ZYG11B: variants seen among roughly 807,000 people sequenced by gnomAD.
ZYG11B encodes zyg-11 family member B, cell cycle regulator, also known as protein zyg-11 homolog B.
ZYG11B carries 36 observed loss-of-function variants against 82.4 expected under a neutral mutation model. The ratio of observed to expected loss-of-function variants is 0.44; its 90% CI spans 0.33 to 0.58. The LOEUF (loss-of-function observed/expected upper bound fraction) is 0.58. ZYG11B is among the 20% of genes least tolerant of loss of function. The pLI is 0.02. For synonymous variants in ZYG11B, 303 were observed against 312.8 expected (o/e 0.97, Z 0.33); for missense variants, 552 against 895.6 (o/e 0.62, Z 4.90).
At chr1:52,802,056 C>A (rs1042905073) in intron 9 of ZYG11B, 36 bp from the exon 10 acceptor site, 1 of 1,582,974 alleles carries the variant, frequency 6.3e-7, no homozygotes, top group Non-Finnish European at 8.6e-7. Flanking sequence ...ATATTTGGTT[C>A]TTCAGGTAAT....
intron 8 of ZYG11B, among the ~76,000 whole-genome samples, chr1:52,798,665 A>G (rs138003563): frequency 9.1e-4 from 138 of 152,334 alleles, no homozygotes; most frequent in East Asian, 8.9e-3. Context: ...TGTTATTTAT[A>G]TAGAAAATGT....
At chr1:52,758,461 A>G (rs944263357) in intron 2 of ZYG11B, among the ~76,000 whole-genome samples, 2 of 152,160 alleles carry the variant, frequency 1.3e-5, no homozygotes, top group Non-Finnish European at 1.5e-5. Flanking sequence ...CCTGAGGGTC[A>G]TACTGCAAGT....
At chr1:52,740,565 C>CTTTTTT (rs57309331) in intron 1 of ZYG11B, among the ~76,000 whole-genome samples, 11 of 124,952 alleles carry the variant, frequency 8.8e-5, no homozygotes, top group African/African-American at 3.4e-4. Flanking sequence ...GTACTACCTT[C>CTTTTTT]TTTTTTTTTT....
At chr1:52,737,019 G>C (rs1644383729) in intron 1 of ZYG11B, among the ~76,000 whole-genome samples, 1 of 151,838 alleles carries the variant, frequency 6.6e-6, no homozygotes, top group Admixed American at 6.6e-5. Flanking sequence ...ACATTATGCT[G>C]TTTTTTGTGC....
rs141046029 is a variant in ZYG11B at position 52,787,239 on chromosome 1, A to G, written c.1269+2186A>G. Among the ~76,000 whole-genome samples the G allele has an allele frequency of 2.4e-3, 373 of 152,390 alleles. 2 individuals carry two copies. Among genetic ancestry groups the G allele is most frequent in the African/African-American group, 8.2e-3 (343 of 41,596 alleles). On this transcript the variant is annotated intron_variant, in intron 5 of 13. Coordinates refer to ENST00000294353, the MANE Select transcript of ZYG11B (RefSeq NM_024646.3). Reference sequence around the variant, plus strand: ...TGAATGATGAATGAATTACAATTCCAGATGACAACCTTGATCAATCTCAAT... The same window carrying G: ...TGAATGATGAATGAATTACAATTCCGGATGACAACCTTGATCAATCTCAAT...
intron 1 of ZYG11B, among the ~76,000 whole-genome samples, chr1:52,755,084 C>T (rs986187480): frequency 2.6e-5 from 4 of 151,748 alleles, no homozygotes; most frequent in Admixed American, 1.3e-4. Context: ...CCTCAGCCAC[C>T]GGAGTAGCTG....
intron 2 of ZYG11B, among the ~76,000 whole-genome samples, chr1:52,766,729 C>A (rs1644692468): frequency 6.6e-6 from 1 of 152,144 alleles, no homozygotes; most frequent in African/African-American, 2.4e-5. Flanking sequence ...TTTTTATAGG[C>A]CAGGCACAGT....
At chr1:52,733,369 GT>G (rs920852232) in intron 1 of ZYG11B, among the ~76,000 whole-genome samples, 7 of 152,062 alleles carry the variant, frequency 4.6e-5, no homozygotes, top group Non-Finnish European at 7.4e-5. Context: ...TTTTTGTATA[GT>G]TTTTGTGAGG....
chr1:52,726,483 G>A lies in ZYG11B; in HGVS notation c.-171G>A, dbSNP rs1236383847. 3.6e-6 allele frequency: 2 copies of A among 555,386 alleles called. No individual in the cohort carries two copies. Among genetic ancestry groups the A allele is most frequent in the Non-Finnish European group, 5.4e-6 (2 of 369,156 alleles). The allele number at this position is 555,386 out of a possible 1,614,324, so 34.4% of individuals were successfully genotyped here. On this transcript the variant is annotated 5_prime_UTR_variant, in exon 1 of 14. Coordinates refer to ENST00000294353, the MANE Select transcript of ZYG11B (RefSeq NM_024646.3). Reference sequence around the variant, plus strand: ...CTGCGCTCTGGTTCGGGCTGCGGCTGCGGCTGCGGCTGCGGCTGCTACTGC... The same window carrying A: ...CTGCGCTCTGGTTCGGGCTGCGGCTACGGCTGCGGCTGCGGCTGCTACTGC...
intron 2 of ZYG11B, among the ~76,000 whole-genome samples, chr1:52,769,032 A>G (rs1469581540): frequency 1.3e-5 from 2 of 152,146 alleles, no homozygotes; most frequent in Admixed American, 1.3e-4. Context: ...GTGATACTTT[A>G]TACTTGACAT....
In ZYG11B at chr1:52,796,797, TCTC is replaced by T. The variant is rs1325601494; in HGVS notation, c.1485+18_1485+20del. On this transcript the variant is annotated intron_variant, in intron 8 of 13. Coordinates refer to ENST00000294353, the MANE Select transcript of ZYG11B (RefSeq NM_024646.3). ...CTTCATTGTCAGGGTAAGTCTATAA[TCTC>T]CTCCATTCAGGCCACTAGATATTCA... 3 of 1,501,826 alleles carry T rather than the reference TCTC, an allele frequency of 2.0e-6. No homozygotes were observed. The highest frequency in any genetic ancestry group is 2.7e-6 in the Non-Finnish European group (3 of 1,126,110). 93.0% of individuals were successfully genotyped at this position (1,501,826 alleles called of 1,614,324 possible).
chr1:52,796,977 A>AAT (rs1253138945), intron 8 of ZYG11B, among the ~76,000 whole-genome samples, 193 bp downstream of exon 8: 1 of 63,770 alleles, frequency 1.6e-5, no homozygotes, highest in Non-Finnish European at 2.5e-5. Flanking sequence ...AATATATATA[A>AAT]ATATATATAT....
At chr1:52,727,743 TTTTC>T (rs1268150833) in intron 1 of ZYG11B, among the ~76,000 whole-genome samples, 1 of 152,136 alleles carries the variant, frequency 6.6e-6, no homozygotes, top group African/African-American at 2.4e-5. Context: ...TATTTGCAAA[TTTTC>T]TTTCTGTCTG....
Position 52,776,229 on chromosome 1 carries a change from A to ATATATAT in ZYG11B, c.952-3624_952-3623insTATATAT, listed in dbSNP as rs1553260250. Among the ~76,000 whole-genome samples the ATATATAT allele has an allele frequency of 1.3e-3, 31 of 23,536 alleles. 2 individuals carry two copies. Among genetic ancestry groups the ATATATAT allele is most frequent in the South Asian group, 9.5e-3 (4 of 422 alleles). The allele number at this position is 23,536 out of a possible 152,430, so 15.4% of individuals were successfully genotyped here. On this transcript the variant is annotated intron_variant, in intron 3 of 13. Coordinates refer to ENST00000294353, the MANE Select transcript of ZYG11B (RefSeq NM_024646.3). ...AGCAAAACTCTGTCTTAAAAAAAAA[A>ATATATAT]ATATATATATATATATGCAATAAAG...
chr1:52,733,590 G>A (rs953636178), intron 1 of ZYG11B, among the ~76,000 whole-genome samples: 2 of 152,124 alleles, frequency 1.3e-5, no homozygotes, highest in African/African-American at 4.8e-5. Flanking sequence ...GAGCCTAGGA[G>A]GTTGAAGCTG....
At chr1:52,811,202 A>G (rs1280354025) in intron 10 of ZYG11B, among the ~76,000 whole-genome samples, 1 of 151,966 alleles carries the variant, frequency 6.6e-6, no homozygotes, top group Non-Finnish European at 1.5e-5. Context: ...TGAATGATAA[A>G]TTTTTGGTTG....
intron 3 of ZYG11B, among the ~76,000 whole-genome samples, chr1:52,773,155 G>T (rs1005975016): frequency 6.6e-6 from 1 of 151,946 alleles, no homozygotes; most frequent in Non-Finnish European, 1.5e-5. Flanking sequence ...AACATCAGTT[G>T]GATTTGGTAG....
chr1:52,766,086 T>C (rs912736275), intron 2 of ZYG11B, among the ~76,000 whole-genome samples: 65 of 151,248 alleles, frequency 4.3e-4, no homozygotes, highest in African/African-American at 1.3e-3. Flanking sequence ...CTGTTTTCAT[T>C]TTTTTCTTTT....
rs182578867 is a variant in ZYG11B, at chr1:52,727,532, G to A, written c.30+849G>A. Reference sequence around the variant, plus strand: ...TATTTTGAGCATCTTTTAATGTGGAGGTGCAGTTGGAGAAGTTTAAAAATA... The same window carrying A: ...TATTTTGAGCATCTTTTAATGTGGAAGTGCAGTTGGAGAAGTTTAAAAATA... On this transcript the variant is annotated intron_variant, in intron 1 of 13. Coordinates refer to ENST00000294353, the MANE Select transcript of ZYG11B (RefSeq NM_024646.3). Among the ~76,000 whole-genome samples, 734 of 152,204 alleles carry A rather than the reference G, an allele frequency of 4.8e-3. 5 individuals are homozygous for A. The highest frequency in any genetic ancestry group is 0.017 in the African/African-American group (695 of 41,526).
Sources: allele counts gnomAD v4.1 joint callset (sites outside exome capture counted in the v4.1 genomes callset), GRCh38; gene constraint gnomAD v4.1.1; transcripts MANE v1.5; gene names NCBI Gene and HGNC (gene_info 2026-07-23, HGNC 2026-07-21).